RNF150: variants seen among roughly 807,000 people sequenced by gnomAD.
The protein encoded by RNF150 is ring finger protein 150.
RNF150 carries 24 observed loss-of-function variants against 39.3 expected under a neutral mutation model. The observed-to-expected ratio is 0.61, with a 90% CI of 0.44 to 0.86. RNF150 has a LOEUF of 0.86. Among genes scored for constraint, RNF150 ranks in the 40% least tolerant of loss-of-function variants. The probability of loss-of-function intolerance (pLI) is 0.00; values close to 1 mark genes in which losing one functional copy is unlikely to be tolerated. For missense variants in RNF150, 502 were observed against 587.8 expected, an observed-to-expected ratio of 0.85 and a Z score of 1.51; for synonymous variants, 255 against 227.3, an observed-to-expected ratio of 1.12 and a Z score of -1.10.
upstream of RNF150, among the ~76,000 whole-genome samples, chr4:141,136,256 T>C (rs1381277016): frequency 1.3e-5 from 2 of 152,224 alleles, no homozygotes; most frequent in Non-Finnish European, 2.9e-5. Flanking sequence ...ATTTATATTG[T>C]AGTTTTGTAG....
intron 1 of RNF150, among the ~76,000 whole-genome samples, chr4:141,211,493 T>G (rs1728464618): frequency 6.6e-6 from 1 of 152,178 alleles, no homozygotes. Context: ...AATGATCTGA[T>G]TCAATTTATA....
chr4:140,894,661 A>T (rs537530144), intron 6 of RNF150, among the ~76,000 whole-genome samples: 8 of 152,194 alleles, frequency 5.3e-5, no homozygotes, highest in Non-Finnish European at 1.0e-4. Context: ...CAATCAATGC[A>T]CATTTTGAAC....
chr4:140,910,723 A>T (rs548517399), intron 6 of RNF150, among the ~76,000 whole-genome samples: 2 of 151,916 alleles, frequency 1.3e-5, no homozygotes, highest in East Asian at 1.9e-4. Flanking sequence ...GTGTGTGTGT[A>T]CACACATGCG....
chr4:140,949,184 C>CTAAAT (rs2111375910), intron 3 of RNF150, 117 bp downstream of exon 3: 1 of 679,310 alleles, frequency 1.5e-6, no homozygotes, highest in African/African-American at 1.8e-5. Context: ...ACTGATAGGA[C>CTAAAT]AACTGTTAGC....
At chr4:141,209,813 C>T (rs1171471438) in intron 1 of RNF150, among the ~76,000 whole-genome samples, 1 of 152,002 alleles carries the variant, frequency 6.6e-6, no homozygotes, top group African/African-American at 2.4e-5. Flanking sequence ...TGAGAATAGC[C>T]TGGGCAATAT....
At chr4:141,128,790 A>T (rs1310411610) in intron 1 of RNF150, among the ~76,000 whole-genome samples, 2 of 152,176 alleles carry the variant, frequency 1.3e-5, no homozygotes, top group Non-Finnish European at 2.9e-5. Flanking sequence ...GTATGAGTTG[A>T]AAGTCTGGAA....
chr4:141,000,041 G>GAA (rs879446289), intron 1 of RNF150, among the ~76,000 whole-genome samples: 1,165 of 63,252 alleles, frequency 0.018, 210 homozygotes, highest in Admixed American at 0.038. Context: ...AGAAGAAGAA[G>GAA]AAGAAGAAGA....
At chr4:141,195,018 T>A (rs957628907) in intron 1 of RNF150, among the ~76,000 whole-genome samples, 2 of 152,032 alleles carry the variant, frequency 1.3e-5, no homozygotes, top group Non-Finnish European at 2.9e-5. Context: ...GTAAGATAAG[T>A]ACAGATCTTC....
chr4:141,204,864 A>G (rs888792687), intron 1 of RNF150, among the ~76,000 whole-genome samples: 13 of 152,344 alleles, frequency 8.5e-5, no homozygotes, highest in Non-Finnish European at 1.6e-4. Flanking sequence ...CATAACTGCA[A>G]TCTAAGACTG....
intron 1 of RNF150, among the ~76,000 whole-genome samples, chr4:141,011,191 C>A (rs894226151): frequency 6.6e-6 from 1 of 151,936 alleles, no homozygotes; most frequent in Admixed American, 6.6e-5. Flanking sequence ...CTTTTTTACC[C>A]GCCATAATTC....
intron 1 of RNF150, among the ~76,000 whole-genome samples, chr4:141,139,174 A>G (rs2572232): frequency 0.99 from 150,551 of 152,292 alleles, 74,441 homozygotes; most frequent in East Asian, 1. Context: ...ATGACCAATC[A>G]CGCCACTGTA....
At chr4:141,121,984 C>A (rs1377474966) in intron 1 of RNF150, among the ~76,000 whole-genome samples, 1 of 152,072 alleles carries the variant, frequency 6.6e-6, no homozygotes, top group East Asian at 1.9e-4. Flanking sequence ...TAGGTGGGAT[C>A]TGGGCAGCCC....
intron 1 of RNF150, among the ~76,000 whole-genome samples, chr4:141,058,133 C>A (rs1443512338): frequency 6.6e-6 from 1 of 152,008 alleles, no homozygotes; most frequent in Non-Finnish European, 1.5e-5. Context: ...GTTAAAATGA[C>A]TAAATATCTA....
At chr4:140,869,786 G>T (rs1429067075) in intron 6 of RNF150, among the ~76,000 whole-genome samples, 1 of 152,176 alleles carries the variant, frequency 6.6e-6, no homozygotes, top group Non-Finnish European at 1.5e-5. Context: ...AGGTGATAGG[G>T]AGCTGTGGGC....
intron 1 of RNF150, among the ~76,000 whole-genome samples, chr4:141,043,295 T>C (rs1262454449): frequency 6.6e-6 from 1 of 152,042 alleles, no homozygotes; most frequent in Non-Finnish European, 1.5e-5. Context: ...ACACAGAGAA[T>C]TGGCCTCTGA....
chr4:140,918,864 T>C (rs1228796207), intron 5 of RNF150, among the ~76,000 whole-genome samples: 2 of 152,190 alleles, frequency 1.3e-5, no homozygotes, highest in African/African-American at 4.8e-5. Context: ...ATCCCTGGGA[T>C]GAAAGTCTGG....
intron 5 of RNF150, among the ~76,000 whole-genome samples, chr4:140,919,489 G>A (rs1237273644): frequency 1.6e-5 from 2 of 125,594 alleles, no homozygotes; most frequent in East Asian, 5.0e-4. Context: ...GGGACGTGAA[G>A]GACCTCTTCA....
chr4:141,184,975 T>C (rs1560772013), intron 1 of RNF150, among the ~76,000 whole-genome samples: 1 of 151,082 alleles, frequency 6.6e-6, no homozygotes, highest in Non-Finnish European at 1.5e-5. Flanking sequence ...TCCAGCTGTG[T>C]TCTTTTTGCT....
At chr4:141,211,417 G>T (rs762191997) in intron 1 of RNF150, among the ~76,000 whole-genome samples, 1 of 152,096 alleles carries the variant, frequency 6.6e-6, no homozygotes. Context: ...TATAATTTAA[G>T]TCAATAATTA....
Sources: gnomAD v4.1 joint callset for allele counts (sites outside exome capture counted in the v4.1 genomes callset) on GRCh38, gnomAD v4.1.1 for gene constraint, MANE v1.5 for transcripts, NCBI Gene and HGNC (gene_info 2026-07-23, HGNC 2026-07-21) for gene names.